CENPM: variants seen among roughly 807,000 people sequenced by gnomAD.
CENPM encodes the protein centromere protein M, also known as interphase centromere complex protein 39.
Under a neutral mutation model 19.6 loss-of-function variants are expected in CENPM, and 14 were observed. That is an observed-to-expected ratio of 0.71 (90% CI 0.47 to 1.11). The LOEUF (loss-of-function observed/expected upper bound fraction) is 1.11. Ranked by LOEUF, CENPM falls within the 50% of genes most tolerant of loss-of-function variation. The pLI is 0.00. For synonymous variants in CENPM, 114 were observed against 101.5 expected (o/e 1.12, Z -0.74); for missense variants, 239 against 228.4 (o/e 1.05, Z -0.30).
intron 1 of CENPM, 56 bp from the exon 2 acceptor site, chr22:41,946,552 G>A (rs2146621151): frequency 1.4e-6 from 2 of 1,480,592 alleles, no homozygotes; most frequent in South Asian, 1.2e-5. Flanking sequence ...CCCCTGGGGA[G>A]GGCCTGGCCC....
intron 5 of CENPM, chr22:41,940,366 T>C (rs2077728587): frequency 1.8e-6 from 1 of 560,310 alleles, no homozygotes; most frequent in Admixed American, 3.4e-5. Flanking sequence ...TTTGTTTCCT[T>C]GACTAGAACA....
intron 4 of CENPM, among the ~76,000 whole-genome samples, chr22:41,944,335 C>T (rs1324380322): frequency 6.7e-6 from 1 of 149,758 alleles, no homozygotes; most frequent in African/African-American, 2.5e-5. Flanking sequence ...ACTCGGGAGG[C>T]TGAGATGGGA....
At chr22:41,939,989 A>G in intron 5 of CENPM, 1 of 561,210 alleles carries the variant, frequency 1.8e-6, no homozygotes, top group Non-Finnish European at 3.3e-6. Flanking sequence ...GTCCATTTAA[A>G]ACCCAAGTCA....
the CENPM span, among the ~76,000 whole-genome samples, chr22:41,932,677 T>G: frequency 6.6e-6 from 1 of 152,144 alleles, no homozygotes; most frequent in Non-Finnish European, 1.5e-5. The surrounding 1 kb of genome is among the most constrained non-coding windows in gnomAD (Gnocchi z 4.3). Flanking sequence ...ACCACAGCCC[T>G]TTAGCCACAG....
chr22:41,939,856 G>GAAAGAA (rs1569425854), intron 5 of CENPM, among the ~76,000 whole-genome samples: 2 of 27,416 alleles, frequency 7.3e-5, no homozygotes, highest in East Asian at 1.0e-3. Flanking sequence ...AAGAAAGAAA[G>GAAAGAA]AAAGAAAGAA....
the CENPM span, among the ~76,000 whole-genome samples, chr22:41,933,593 C>T: frequency 0.058 from 8,845 of 152,200 alleles, 305 homozygotes; most frequent in Non-Finnish European, 0.079. Context: ...CCTCAGCAGC[C>T]CCCAGTCCAC....
In CENPM at chr22:41,945,929, G is replaced by C. The variant is rs2077794982; in HGVS notation, c.214C>G (p.Leu72Val). 3.1e-6 allele frequency: 5 copies of C among 1,613,714 alleles called. No homozygotes were observed. Among genetic ancestry groups the C allele is most frequent in the Non-Finnish European group, 4.2e-6 (5 of 1,179,842 alleles). Reference protein sequence around the residue: ...RIDLIVFVVNLHSKYSLQNTE... With the variant: ...RIDLIVFVVNVHSKYSLQNTE... ...GGCTCTCACCTGTATTTGCTGTGAAGATTAACCACAAACACGATCAGGTCA... is the reference window on the plus strand; with the variant it reads ...GGCTCTCACCTGTATTTGCTGTGAACATTAACCACAAACACGATCAGGTCA... The change falls in exon 3 of 6, where the codon CTT becomes GTT. Residue 72 changes from leucine to valine, a missense_variant. Leu to Val is a conservative substitution (Grantham distance 32). Transcript: ENST00000215980.
rs1307796903 is a variant in CENPM, at chr22:41,945,960, G to A, written c.183C>T (p.Pro61=). The A allele has an allele frequency of 6.2e-7, 1 of 1,613,892 alleles. No homozygotes were observed. The highest frequency in any genetic ancestry group is 8.5e-7 in the Non-Finnish European group (1 of 1,179,962). ...SLPLPSSVNR[P]RIDLIVFVVN... is the part of the protein sequence containing the mutation. ...CCACAAACACGATCAGGTCAATTCGGGGCCGATTCACACTGGAGGGCAAAG... is the reference window on the plus strand; with the variant it reads ...CCACAAACACGATCAGGTCAATTCGAGGCCGATTCACACTGGAGGGCAAAG... The change falls in exon 3 of 6, where the codon CCC becomes CCT. Residue 61 remains proline, a synonymous_variant. Coordinates refer to ENST00000215980, the MANE Select transcript of CENPM (RefSeq NM_024053.5).
chr22:41,946,419 C>G lies in CENPM; in HGVS notation c.135G>C (p.Lys45Asn). Residue 45 changes from lysine (K) to asparagine (N), a missense_variant and splice_region_variant, in exon 2 of 6, where the codon AAG becomes AAC. Physicochemically the swap from Lys to Asn is moderately conservative, Grantham distance 94 (BLOSUM62 0). Coordinates refer to ENST00000215980, the MANE Select transcript of CENPM (RefSeq NM_024053.5). Reference sequence around the variant, plus strand: ...AGGCCACAGCCGCGGCTACTTACACCTTCAGCTCGGAGGCGCAGTCCTCTT... The same window carrying G: ...AGGCCACAGCCGCGGCTACTTACACGTTCAGCTCGGAGGCGCAGTCCTCTT... ...MLKEDCASELKVHLAKSLPLP... is the reference protein window; with the variant it reads ...MLKEDCASELNVHLAKSLPLP... 6.2e-7 allele frequency: 1 copy of G among 1,612,942 alleles called. No homozygotes were observed. Among genetic ancestry groups the G allele is most frequent in the Non-Finnish European group, 8.5e-7 (1 of 1,179,864 alleles).
chr22:41,944,973 T>G, intron 4 of CENPM: 1 of 1,339,876 alleles, frequency 7.5e-7, no homozygotes, highest in Non-Finnish European at 9.6e-7. Context: ...CATGTGCAGA[T>G]TTGTTATGTA....
chr22:41,946,847 A>G, intron 1 of CENPM, 173 bp downstream of exon 1: 2 of 650,108 alleles, frequency 3.1e-6, no homozygotes, highest in Non-Finnish European at 5.5e-6. Flanking sequence ...GCGTCCCTCA[A>G]CCTCAGAGAG....
At chr22:41,942,982 C>A (rs2077756423) in intron 5 of CENPM, among the ~76,000 whole-genome samples, 2 of 151,950 alleles carry the variant, frequency 1.3e-5, no homozygotes, top group South Asian at 4.2e-4. Context: ...ACTTTCCTAC[C>A]CCTCGTGGTT....
At position 41,945,301 on chromosome 22, in the gene CENPM, G is replaced by T. The variant is rs2077786557; in HGVS notation, c.234C>A (p.Leu78=). Residue 78 remains leucine, a synonymous_variant, in exon 4 of 6, where the codon CTC becomes CTA. Transcript: ENST00000215980. ...FVVNLHSKYS[L]QNTEESLRHV... ...GGCGCAGGGACTCCTCTGTGTTCTG[G>T]AGACTGGGGTGGCCAGGCCAGGGTG... 1 of 1,614,032 alleles carries T rather than the reference G, an allele frequency of 6.2e-7. No homozygotes were observed. Among genetic ancestry groups the T allele is most frequent in the Non-Finnish European group, 8.5e-7 (1 of 1,180,018 alleles).
intron 4 of CENPM, chr22:41,944,182 G>T (rs2077771608): frequency 2.0e-6 from 2 of 978,874 alleles, no homozygotes; most frequent in Non-Finnish European, 2.4e-6. Flanking sequence ...GGTGGCTCAG[G>T]CCTGTAATCC....
intron 3 of CENPM, among the ~76,000 whole-genome samples, chr22:41,945,670 G>A (rs536863523): frequency 3.9e-5 from 6 of 151,926 alleles, no homozygotes; most frequent in Non-Finnish European, 8.8e-5. Flanking sequence ...GGCTGGTCTC[G>A]GGCAATCTGC....
At chr22:41,945,780 C>T in intron 3 of CENPM, 133 bp downstream of exon 3, 2 of 680,682 alleles carry the variant, frequency 2.9e-6, no homozygotes, top group Non-Finnish European at 5.0e-6. Context: ...GCTCCTCTCT[C>T]CTCACCTTAC....
At chr22:41,929,886 A>G in the CENPM span, among the ~76,000 whole-genome samples, 1 of 149,426 alleles carries the variant, frequency 6.7e-6, no homozygotes, top group Non-Finnish European at 1.5e-5. Context: ...AATCAGACCA[A>G]TGTGGGGAAT....
At chr22:41,946,916 T>C (rs1260031143) in intron 1 of CENPM, 104 bp downstream of exon 1, 1 of 1,184,804 alleles carries the variant, frequency 8.4e-7, no homozygotes, top group Non-Finnish European at 1.3e-6. Context: ...CCCGCCACGG[T>C]AGCGCGCGCT....
downstream of CENPM, among the ~76,000 whole-genome samples, chr22:41,934,268 C>A (rs2077675180): frequency 6.6e-6 from 1 of 152,198 alleles, no homozygotes; most frequent in Non-Finnish European, 1.5e-5. Context: ...GACACTCGGG[C>A]CTGGACCACT....
Sources: gnomAD v4.1 joint callset for allele counts (sites outside exome capture counted in the v4.1 genomes callset) on GRCh38, gnomAD v4.1.1 for gene constraint, Gnocchi (gnomAD v3.1) non-coding constraint, MANE v1.5 for transcripts, NCBI Gene and HGNC (gene_info 2026-07-23, HGNC 2026-07-21) for gene names.